CHN2: variants seen among roughly 807,000 people sequenced by gnomAD.
CHN2 encodes the protein chimerin 2.
Under a neutral mutation model 56.3 loss-of-function variants are expected in CHN2, and 35 were observed. That is an observed-to-expected ratio of 0.62 (90% CI 0.47 to 0.82). The LOEUF (loss-of-function observed/expected upper bound fraction) is 0.82. Ranked by LOEUF, CHN2 falls within the 40% of genes least tolerant of loss-of-function variation. CHN2 has a pLI of 0.00. For missense variants in CHN2, 491 were observed against 580.5 expected (o/e 0.85, Z 1.58); for synonymous variants, 210 against 212.8 (o/e 0.99, Z 0.12).
chr7:29,391,874 CTTG>C (rs1801396522), intron 3 of CHN2, among the ~76,000 whole-genome samples: 2 of 152,304 alleles, frequency 1.3e-5, no homozygotes, highest in East Asian at 3.9e-4. Context: ...AATTTGTTGT[CTTG>C]TTAAGAATCA....
intron 1 of CHN2, among the ~76,000 whole-genome samples, chr7:29,221,622 G>A (rs1172458593): frequency 2.0e-5 from 3 of 151,978 alleles, no homozygotes; most frequent in East Asian, 3.9e-4. Flanking sequence ...TCCCTTCCTC[G>A]ACCCCCAACA....
chr7:29,149,072 G>A (rs899583521), intron 2 of CHN2, among the ~76,000 whole-genome samples: 3 of 152,112 alleles, frequency 2.0e-5, no homozygotes, highest in Middle Eastern at 3.2e-3. Flanking sequence ...GGGTGGGTCG[G>A]GGGTTAACTA....
At chr7:29,474,276 TA>T (rs1786403174) in intron 6 of CHN2, among the ~76,000 whole-genome samples, 1 of 152,368 alleles carries the variant, frequency 6.6e-6, no homozygotes, top group African/African-American at 2.4e-5. Context: ...ATAATTTATT[TA>T]ACTTTTCCCC....
At chr7:29,393,958 G>T (rs1428818310) in intron 4 of CHN2, among the ~76,000 whole-genome samples, 2 of 152,190 alleles carry the variant, frequency 1.3e-5, no homozygotes, top group African/African-American at 4.8e-5. Flanking sequence ...GCTACTGAGT[G>T]CCTGGCAAGT....
chr7:29,177,661 T>C (rs1040808649), intron 2 of CHN2, among the ~76,000 whole-genome samples: 1 of 151,880 alleles, frequency 6.6e-6, no homozygotes, highest in African/African-American at 2.4e-5. Flanking sequence ...TCTATTAATA[T>C]CTACCTATTT....
At chr7:29,409,629 A>G (rs1478788641) in intron 6 of CHN2, among the ~76,000 whole-genome samples, 1 of 152,220 alleles carries the variant, frequency 6.6e-6, no homozygotes, top group Non-Finnish European at 1.5e-5. Flanking sequence ...GTGTTCTTAT[A>G]GCCTTTTCAG....
At chr7:29,426,927 A>G (rs1211653797) in intron 6 of CHN2, among the ~76,000 whole-genome samples, 1 of 152,042 alleles carries the variant, frequency 6.6e-6, no homozygotes, top group Non-Finnish European at 1.5e-5. Flanking sequence ...CTCCGTCATC[A>G]CGTCCATCTG....
chr7:29,162,103 G>C (rs1312306802), intron 2 of CHN2, among the ~76,000 whole-genome samples: 1 of 152,194 alleles, frequency 6.6e-6, no homozygotes, highest in Non-Finnish European at 1.5e-5. Flanking sequence ...GCCACTCTGG[G>C]CATCTGGCAG....
chr7:29,460,204 C>T (rs72596058), intron 6 of CHN2, among the ~76,000 whole-genome samples: 14,853 of 152,222 alleles, frequency 0.098, 953 homozygotes, highest in South Asian at 0.2. Flanking sequence ...AATTAGGGAA[C>T]CACTGCATTA....
chr7:29,483,074 G>A (rs902726524), intron 7 of CHN2, among the ~76,000 whole-genome samples: 5 of 151,908 alleles, frequency 3.3e-5, no homozygotes, highest in Admixed American at 3.3e-4. Context: ...GCCCGTCTCG[G>A]CCTCCCAAAG....
At chr7:29,379,327 G>A (rs1010635784) in intron 3 of CHN2, among the ~76,000 whole-genome samples, 16 of 152,182 alleles carry the variant, frequency 1.1e-4, no homozygotes, top group African/African-American at 2.9e-4. Context: ...AAAGGGGTGC[G>A]TGGGATCTGT....
At chr7:29,187,395 G>A (rs1465322215) in intron 2 of CHN2, among the ~76,000 whole-genome samples, 1 of 151,884 alleles carries the variant, frequency 6.6e-6, no homozygotes, top group African/African-American at 2.4e-5. Flanking sequence ...GCACTTGAGT[G>A]TACTCTGTTA....
intron 7 of CHN2, among the ~76,000 whole-genome samples, chr7:29,493,952 C>T (rs987474555): frequency 6.6e-6 from 1 of 152,190 alleles, no homozygotes; most frequent in African/African-American, 2.4e-5. Flanking sequence ...TGAATAAAGC[C>T]TTTAAGGCCC....
chr7:29,183,512 G>T (rs1458724317), intron 2 of CHN2, among the ~76,000 whole-genome samples: 1 of 151,666 alleles, frequency 6.6e-6, no homozygotes, highest in East Asian at 1.9e-4. Context: ...AAGTAGCTGG[G>T]TTTACAAGTG....
rs149861575 is a variant in CHN2, at chr7:29,313,003, T to C, written c.50-41622T>C. Among the ~76,000 whole-genome samples the C allele has an allele frequency of 1.7e-3, 254 of 152,330 alleles. 2 individuals carry two copies. Among genetic ancestry groups the C allele is most frequent in the African/African-American group, 5.6e-3 (234 of 41,572 alleles). ...AGGAAGCCTCTGCATTTATCAGTAG[T>C]TTCCCTGAATCTTGGGTAATCATAC... is the stretch of plus-strand genomic sequence containing the variant. On this transcript the variant is annotated intron_variant, in intron 1 of 12. Transcript: ENST00000222792.
At chr7:29,270,425 G>T (rs1258109764) in intron 1 of CHN2, among the ~76,000 whole-genome samples, 2 of 106,156 alleles carry the variant, frequency 1.9e-5, no homozygotes, top group Non-Finnish European at 3.7e-5. Flanking sequence ...AAGCTGAGAT[G>T]GGTGGATCAT....
chr7:29,240,225 C>T (rs1176109141), intron 1 of CHN2, among the ~76,000 whole-genome samples: 1 of 152,186 alleles, frequency 6.6e-6, no homozygotes, highest in Non-Finnish European at 1.5e-5. Flanking sequence ...GAGCCTGGCC[C>T]CCAAGGACCT....
rs578173586 is a variant in CHN2 at position 29,503,524 on chromosome 7, T to G, written c.914-1220T>G. Among the ~76,000 whole-genome samples the G allele has an allele frequency of 2.0e-5, 3 of 152,268 alleles. No homozygotes were observed. In the South Asian group the frequency reaches 6.2e-4, roughly 32 times the overall value. On this transcript the variant is annotated intron_variant, in intron 9 of 12. Coordinates refer to ENST00000222792, the MANE Select transcript of CHN2 (RefSeq NM_004067.4). Reference sequence around the variant, plus strand: ...TGTGGCAACTCCAGTTGATCAGTAGTGGTCACCTGAACAATTGGAACTGAG... The same window carrying G: ...TGTGGCAACTCCAGTTGATCAGTAGGGGTCACCTGAACAATTGGAACTGAG...
chr7:29,382,923 A>G (rs1202692885), intron 3 of CHN2, among the ~76,000 whole-genome samples: 1 of 152,192 alleles, frequency 6.6e-6, no homozygotes, highest in Non-Finnish European at 1.5e-5. Flanking sequence ...GAAGCTATGT[A>G]TGAGGAACAT....
Sources: gnomAD v4.1 joint callset for allele counts (sites outside exome capture counted in the v4.1 genomes callset) on GRCh38, gnomAD v4.1.1 for gene constraint, MANE v1.5 for transcripts, NCBI Gene and HGNC (gene_info 2026-07-23, HGNC 2026-07-21) for gene names.